Variants in RPTOR observed in about 807,000 individuals in gnomAD.
The protein encoded by RPTOR is regulatory-associated protein of mTOR.
A neutral mutation model predicts 169.9 loss-of-function variants in RPTOR; 21 were observed. The observed-to-expected ratio is 0.12, with a 90% CI of 0.09 to 0.18. RPTOR has a LOEUF of 0.18. Among genes scored for constraint, RPTOR ranks in the 10% least tolerant of loss-of-function variants. The pLI is 1.00. For missense variants in RPTOR, 1,133 were observed against 1,855.9 expected (o/e 0.61, Z 7.16); for synonymous variants, 732 against 753.2 (o/e 0.97, Z 0.46).
At chr17:80,867,758 ATT>A (rs2068009535) in intron 13 of RPTOR, among the ~76,000 whole-genome samples, 2 of 152,212 alleles carry the variant, frequency 1.3e-5, no homozygotes, top group East Asian at 3.9e-4. Flanking sequence ...AATAGAGAAC[ATT>A]TACAATACCA....
chr17:80,598,149 A>G (rs1231228689), intron 1 of RPTOR, among the ~76,000 whole-genome samples: 2 of 151,990 alleles, frequency 1.3e-5, no homozygotes, highest in African/African-American at 4.8e-5. Flanking sequence ...CTCAAAAAAA[A>G]AGATTCGTCT....
intron 17 of RPTOR, among the ~76,000 whole-genome samples, chr17:80,886,883 T>C (rs533214012): frequency 6.6e-6 from 1 of 152,266 alleles, no homozygotes; most frequent in Non-Finnish European, 1.5e-5. Context: ...GAGCACGTGG[T>C]CTAATCAAAG....
intron 2 of RPTOR, among the ~76,000 whole-genome samples, chr17:80,639,180 A>G (rs2065532712): frequency 6.6e-6 from 1 of 151,882 alleles, no homozygotes; most frequent in Non-Finnish European, 1.5e-5. Context: ...TTTCTCAGTC[A>G]AAAATGAGTT....
intron 3 of RPTOR, among the ~76,000 whole-genome samples, chr17:80,663,011 A>C (rs1350997164): frequency 1.3e-5 from 2 of 152,240 alleles, no homozygotes; most frequent in East Asian, 3.8e-4. Context: ...TCTCCCTGTC[A>C]TAATCTTGCC....
intron 33 of RPTOR, 60 bp from the exon 34 acceptor site, chr17:80,964,202 C>CCCCCCCCCCACTGTCT: frequency 3.3e-6 from 4 of 1,224,846 alleles, no homozygotes; most frequent in East Asian, 2.3e-5. Flanking sequence ...TGCGCCCCCC[C>CCCCCCCCCCACTGTCT]GCCCCCCGCA....
chr17:80,775,234 C>T lies in RPTOR; in HGVS notation c.831-16216C>T, dbSNP rs1190508048. Reference sequence around the variant, plus strand: ...CCATTTTCTCTGTGCTGTTTTTCTCCTTTCTTCCTGAGACTTTCCCCTTTG... The same window carrying T: ...CCATTTTCTCTGTGCTGTTTTTCTCTTTTCTTCCTGAGACTTTCCCCTTTG... On this transcript the variant is annotated intron_variant, in intron 6 of 33. Coordinates refer to ENST00000306801, the MANE Select transcript of RPTOR (RefSeq NM_020761.3). Among the ~76,000 whole-genome samples, 3 of 152,306 alleles carry T rather than the reference C, an allele frequency of 2.0e-5. No homozygotes were observed. The East Asian group carries it at 5.8e-4, about 29-fold the overall frequency.
chr17:80,888,209 G>A (rs770285452), intron 17 of RPTOR, among the ~76,000 whole-genome samples: 2 of 152,166 alleles, frequency 1.3e-5, no homozygotes, highest in Non-Finnish European at 2.9e-5. Context: ...CTGCCTCCCG[G>A]GCTCAAGCGA....
In RPTOR at chr17:80,707,911, A is replaced by G; in HGVS notation, c.419A>G (p.Asn140Ser). The change falls in exon 4 of 34, where the codon AAC becomes AGC. Residue 140 changes from asparagine to serine, a missense_variant. Asn to Ser is a conservative substitution (Grantham distance 46). Coordinates refer to ENST00000306801, the MANE Select transcript of RPTOR (RefSeq NM_020761.3). The surrounding 1 kb of genome is among the most constrained non-coding windows in gnomAD (Gnocchi z 5.0). ...VKKLCTSLRRNAKEERVLFHY... is the reference protein window; with the variant it reads ...VKKLCTSLRRSAKEERVLFHY... ...AAGCTCTGCACGTCCTTACGTCGCA[A>G]CGCCAAGGAGGAGCGAGTCCTCTTT... is the stretch of plus-strand genomic sequence containing the variant. 1.2e-6 allele frequency: 2 copies of G among 1,614,068 alleles called. No individual in the cohort carries two copies. The highest frequency in any genetic ancestry group is 1.7e-6 in the Non-Finnish European group (2 of 1,179,980).
At chr17:80,589,388 A>T (rs1173373702) in intron 1 of RPTOR, among the ~76,000 whole-genome samples, 1 of 151,964 alleles carries the variant, frequency 6.6e-6, no homozygotes, top group Non-Finnish European at 1.5e-5. Flanking sequence ...CTGAAAAAGC[A>T]CATCTCCCCA....
At chr17:80,679,974 T>TC (rs1567853576) in intron 3 of RPTOR, among the ~76,000 whole-genome samples, 1 of 151,784 alleles carries the variant, frequency 6.6e-6, no homozygotes, top group East Asian at 1.9e-4. Flanking sequence ...GAGGAAGACC[T>TC]CCCCCAGAGT....
intron 20 of RPTOR, among the ~76,000 whole-genome samples, chr17:80,908,296 T>C (rs1208206826): frequency 6.6e-6 from 1 of 152,166 alleles, no homozygotes; most frequent in Non-Finnish European, 1.5e-5. Flanking sequence ...CATCAACCTT[T>C]CGTGAAGTCC....
intron 1 of RPTOR, among the ~76,000 whole-genome samples, chr17:80,603,244 A>G (rs2065203689): frequency 6.6e-6 from 1 of 152,262 alleles, no homozygotes; most frequent in Admixed American, 6.5e-5. Context: ...TTGTTGTCAA[A>G]CCAAGAGAAA....
At chr17:80,674,741 T>C (rs562257938) in intron 3 of RPTOR, among the ~76,000 whole-genome samples, 1 of 131,842 alleles carries the variant, frequency 7.6e-6, no homozygotes, top group Non-Finnish European at 1.5e-5. Flanking sequence ...TGAGCCGAGA[T>C]AGCGCCACTG....
intron 13 of RPTOR, among the ~76,000 whole-genome samples, chr17:80,864,813 G>A (rs2067968150): frequency 6.6e-6 from 1 of 152,154 alleles, no homozygotes; most frequent in Non-Finnish European, 1.5e-5. Context: ...AGTGTACTAT[G>A]AATTTTTTTC....
intron 1 of RPTOR, among the ~76,000 whole-genome samples, chr17:80,616,007 T>C (rs1284273163): frequency 2.0e-5 from 3 of 152,112 alleles, no homozygotes; most frequent in East Asian, 1.9e-4. Context: ...GCTCTGAGCA[T>C]TCTGAGAGTT....
chr17:80,792,147 C>T (rs926158538), intron 7 of RPTOR, among the ~76,000 whole-genome samples: 8 of 152,094 alleles, frequency 5.3e-5, no homozygotes, highest in Non-Finnish European at 1.0e-4. Context: ...TGTTTGTGCA[C>T]CGGATTCATC....
intron 19 of RPTOR, among the ~76,000 whole-genome samples, chr17:80,893,182 G>T (rs888052512): frequency 2.0e-5 from 3 of 152,266 alleles, no homozygotes; most frequent in Non-Finnish European, 4.4e-5. Flanking sequence ...TGGTCTGCGG[G>T]TGGGGAGCTT....
At chr17:80,634,459 ATAGTGTGTGCG>A (rs2065476984) in intron 2 of RPTOR, among the ~76,000 whole-genome samples, 2 of 111,280 alleles carry the variant, frequency 1.8e-5, no homozygotes, top group African/African-American at 7.2e-5. Context: ...TTGTGTGTGC[ATAGTGTGTGCG>A]TGTGCATACT....
chr17:80,748,022 C>T (rs1470434731), intron 5 of RPTOR, among the ~76,000 whole-genome samples: 8 of 109,250 alleles, frequency 7.3e-5, no homozygotes, highest in African/African-American at 3.5e-4. Flanking sequence ...GGAGGGACTG[C>T]GGTGTGTGTT....
Sources: gnomAD v4.1 joint callset for allele counts (sites outside exome capture counted in the v4.1 genomes callset) on GRCh38, gnomAD v4.1.1 for gene constraint, Gnocchi (gnomAD v3.1) non-coding constraint, MANE v1.5 for transcripts, NCBI Gene and HGNC (gene_info 2026-07-23, HGNC 2026-07-21) for gene names.